The following ITGA9 variants were observed in gnomAD, a reference collection of about 807,000 sequenced individuals.
ITGA9 encodes the protein integrin alpha-9.
A neutral mutation model predicts 127.8 loss-of-function variants in ITGA9; 56 were observed. The observed-to-expected ratio is 0.44, with a 90% CI of 0.35 to 0.55. ITGA9 has a LOEUF of 0.55. Among genes scored for constraint, ITGA9 ranks in the 20% least tolerant of loss-of-function variants. The pLI, the probability that ITGA9 is intolerant of heterozygous loss-of-function variation, is 0.00. For synonymous variants in ITGA9, 508 were observed against 514.5 expected (o/e 0.99, Z 0.17); for missense variants, 1,196 against 1,347.1 (o/e 0.89, Z 1.76).
chr3:37,512,190 TTTTCTTTTCTTTTCTTTTCTTTC>T (rs1559524971), intron 8 of ITGA9, among the ~76,000 whole-genome samples: 71 of 52,264 alleles, frequency 1.4e-3, no homozygotes, highest in East Asian at 0.01. Flanking sequence ...TTTTCTTTTC[TTTTCTTTTCTTTTCTTTTCTTTC>T]TTTCTTTCTT....
chr3:37,764,643 G>A (rs1274967147), intron 23 of ITGA9, among the ~76,000 whole-genome samples: 6 of 152,146 alleles, frequency 3.9e-5, no homozygotes, highest in African/African-American at 1.4e-4. Context: ...CTCTCACTTT[G>A]TACTTCCCTG....
At chr3:37,518,403 A>G (rs1699009269) in intron 10 of ITGA9, among the ~76,000 whole-genome samples, 2 of 152,180 alleles carry the variant, frequency 1.3e-5, no homozygotes, top group Admixed American at 6.5e-5. Context: ...ACTTCTGCAG[A>G]CACATGACTT....
intron 17 of ITGA9, among the ~76,000 whole-genome samples, chr3:37,681,743 C>A (rs1267323974): frequency 1.3e-5 from 2 of 152,142 alleles, no homozygotes; most frequent in Admixed American, 1.3e-4. Flanking sequence ...GCATCTTCAT[C>A]CTTGTCATCT....
chr3:37,460,658 C>T (rs369285793), intron 1 of ITGA9, among the ~76,000 whole-genome samples: 27 of 145,968 alleles, frequency 1.8e-4, no homozygotes, highest in Middle Eastern at 3.8e-3. Flanking sequence ...GGTGCGATCT[C>T]GGCTCACTGC....
intron 17 of ITGA9, among the ~76,000 whole-genome samples, chr3:37,678,807 A>G (rs1313675370): frequency 6.6e-6 from 1 of 152,208 alleles, no homozygotes; most frequent in Non-Finnish European, 1.5e-5. Flanking sequence ...AATGTATTGC[A>G]TTTACCCAAC....
At position 37,814,471 on chromosome 3, in the gene ITGA9, A is replaced by G. The variant is rs1193931287; in HGVS notation, c.3010-4420A>G. Among the ~76,000 whole-genome samples the G allele has an allele frequency of 6.6e-6, 1 of 152,202 alleles. No homozygotes were observed. The highest frequency in any genetic ancestry group is 1.5e-5 in the Non-Finnish European group (1 of 68,036). ...TTCCAGCTACTTGGGAGGCTGAGGC[A>G]GGAGAATCGCTTGAACCCGAGAGGT... On this transcript the variant is annotated intron_variant, in intron 27 of 27. Transcript: ENST00000264741. The surrounding 1 kb of genome is among the most constrained non-coding windows in gnomAD (Gnocchi z 4.3).
chr3:37,594,071 T>C (rs1346459677), intron 15 of ITGA9, among the ~76,000 whole-genome samples: 1 of 152,224 alleles, frequency 6.6e-6, no homozygotes, highest in Admixed American at 6.5e-5. Flanking sequence ...ACGCTGCTGC[T>C]GCCACACGTG....
chr3:37,741,353 C>T (rs921096560), intron 20 of ITGA9, among the ~76,000 whole-genome samples: 2 of 151,802 alleles, frequency 1.3e-5, no homozygotes, highest in Non-Finnish European at 2.9e-5. Flanking sequence ...ATGCCCTCAG[C>T]TAGGAAGACT....
At chr3:37,612,959 C>CTTT (rs35973222) in intron 15 of ITGA9, among the ~76,000 whole-genome samples, 2 of 140,846 alleles carry the variant, frequency 1.4e-5, no homozygotes, top group Non-Finnish European at 3.1e-5. Flanking sequence ...TTGTGCTGTT[C>CTTT]TTTTTTTTTT....
At chr3:37,656,263 A>C (rs1700476683) in intron 17 of ITGA9, among the ~76,000 whole-genome samples, 1 of 152,006 alleles carries the variant, frequency 6.6e-6, no homozygotes, top group African/African-American at 2.4e-5. Context: ...GATTGCATTG[A>C]CTCTATAAAT....
At chr3:37,588,265 G>T (rs1699778121) in intron 15 of ITGA9, among the ~76,000 whole-genome samples, 1 of 152,140 alleles carries the variant, frequency 6.6e-6, no homozygotes, top group Admixed American at 6.5e-5. Flanking sequence ...GATTTCTCAG[G>T]CCTCTCAGAG....
intron 17 of ITGA9, among the ~76,000 whole-genome samples, chr3:37,675,344 C>T (rs561621155): frequency 6.6e-6 from 1 of 152,352 alleles, no homozygotes; most frequent in East Asian, 1.9e-4. Flanking sequence ...AGGGAGCTGA[C>T]TGGCTTGATG....
rs1699878731 is a variant in ITGA9, at chr3:37,597,304, G to A, written c.1690-31883G>A. On this transcript the variant is annotated intron_variant, in intron 15 of 27. Transcript: ENST00000264741. The surrounding 1 kb of genome is among the most constrained non-coding windows in gnomAD (Gnocchi z 4.6). Reference sequence around the variant, plus strand: ...GGCCAGGGAGAAAGGGCCAACCTCAGTATCTAAGGGTTAAGGGTGTGCAAG... The same window carrying A: ...GGCCAGGGAGAAAGGGCCAACCTCAATATCTAAGGGTTAAGGGTGTGCAAG... Among the ~76,000 whole-genome samples, 1 of 152,318 alleles carries A rather than the reference G, an allele frequency of 6.6e-6. No individual in the cohort carries two copies. Among genetic ancestry groups the A allele is most frequent in the South Asian group, 2.1e-4 (1 of 4,822 alleles).
intron 26 of ITGA9, among the ~76,000 whole-genome samples, chr3:37,801,507 C>T (rs990910131): frequency 4.6e-5 from 7 of 152,140 alleles, no homozygotes; most frequent in Admixed American, 3.3e-4. Flanking sequence ...AGTGGTGGCT[C>T]ATGCCTATAA....
chr3:37,694,940 T>C (rs1480605776), intron 18 of ITGA9, among the ~76,000 whole-genome samples: 1 of 152,086 alleles, frequency 6.6e-6, no homozygotes, highest in East Asian at 1.9e-4. Flanking sequence ...ATGCAAGTGG[T>C]TCATAAAGGA....
chr3:37,746,957 T>C (rs776702866), intron 22 of ITGA9, among the ~76,000 whole-genome samples: 16 of 152,362 alleles, frequency 1.1e-4, no homozygotes, highest in South Asian at 8.3e-4. Flanking sequence ...GCTCTGCCCT[T>C]CTGACCTCAA....
At chr3:37,727,408 G>A (rs988136164) in intron 18 of ITGA9, among the ~76,000 whole-genome samples, 2 of 152,138 alleles carry the variant, frequency 1.3e-5, no homozygotes, top group Non-Finnish European at 2.9e-5. Flanking sequence ...TCTTAAAATA[G>A]GGTCTAAAAT....
chr3:37,615,663 AG>A (rs1700066917), intron 15 of ITGA9, among the ~76,000 whole-genome samples: 1 of 152,216 alleles, frequency 6.6e-6, no homozygotes, highest in Admixed American at 6.5e-5. Context: ...TGGTCTATTC[AG>A]AGATTCAACT....
intron 16 of ITGA9, among the ~76,000 whole-genome samples, chr3:37,641,121 G>A (rs975917291): frequency 6.6e-6 from 1 of 152,178 alleles, no homozygotes; most frequent in African/African-American, 2.4e-5. Context: ...TCTTAGGCAG[G>A]AGTCCCCAAC....
Sources: allele counts gnomAD v4.1 joint callset (sites outside exome capture counted in the v4.1 genomes callset), GRCh38; gene constraint gnomAD v4.1.1; non-coding constraint Gnocchi (gnomAD v3.1); transcripts MANE v1.5; gene names NCBI Gene and HGNC (gene_info 2026-07-23, HGNC 2026-07-21).